Variants in PTGR2 observed in about 807,000 individuals in gnomAD.
PTGR2 encodes the protein 15-oxoprostaglandin 13-reductase.
Under a neutral mutation model 43.4 loss-of-function variants are expected in PTGR2, and 32 were observed. The ratio of observed to expected loss-of-function variants is 0.74; its 90% CI spans 0.56 to 0.99. The LOEUF (loss-of-function observed/expected upper bound fraction) is 0.99. Among genes scored for constraint, PTGR2 ranks in the 50% least tolerant of loss-of-function variants. The pLI, the probability that PTGR2 is intolerant of heterozygous loss-of-function variation, is 0.00. For missense variants in PTGR2, 373 were observed against 420.0 expected (o/e 0.89, Z 0.98); for synonymous variants, 106 against 139.2 (o/e 0.76, Z 1.68).
At chr14:73,864,577 A>G (rs984060200) in intron 3 of PTGR2, among the ~76,000 whole-genome samples, 1 of 152,110 alleles carries the variant, frequency 6.6e-6, no homozygotes, top group Non-Finnish European at 1.5e-5. Flanking sequence ...CTTATTGGTC[A>G]TTTGCATGTC....
chr14:73,860,765 A>G (rs1236801970), intron 3 of PTGR2, 108 bp downstream of exon 3: 1 of 652,534 alleles, frequency 1.5e-6, no homozygotes, highest in Non-Finnish European at 2.7e-6. Context: ...TAAATATTTG[A>G]GCAGTTATAT....
intron 1 of PTGR2, among the ~76,000 whole-genome samples, chr14:73,854,837 G>A (rs2054307766): frequency 6.6e-6 from 1 of 152,182 alleles, no homozygotes; most frequent in African/African-American, 2.4e-5. Context: ...TTGGTGTGAT[G>A]AATGGATGTG....
At chr14:73,858,150 T>TG (rs2054404656) in intron 1 of PTGR2, 1 of 152,234 alleles carries the variant, frequency 6.6e-6, no homozygotes, top group African/African-American at 2.4e-5. Context: ...TATAACTCAC[T>TG]ACCTTTGGAC....
At position 73,875,847 on chromosome 14, in the gene PTGR2, A is replaced by G. The variant is rs1428824643; in HGVS notation, c.349-1151A>G. 1.6e-4 allele frequency among the ~76,000 whole-genome samples: 15 copies of G among 91,630 alleles called. 1 individual carries two copies. The highest frequency in any genetic ancestry group is 7.1e-4 in the South Asian group (2 of 2,812). The allele number at this position is 91,630 out of a possible 152,430, so 60.1% of individuals were successfully genotyped here. A position where few individuals can be genotyped will look rare whatever the true frequency, so the allele number is the denominator to read the frequency against. On this transcript the variant is annotated intron_variant, in intron 4 of 9. Transcript: ENST00000555661. ...TTTTTTTTTTTTTTTTTTGAGATGG[A>G]GTCTTGCTTTGTCGCCCAGGCTGGA...
intron 1 of PTGR2, among the ~76,000 whole-genome samples, chr14:73,852,546 C>T (rs974333114): frequency 6.6e-6 from 1 of 152,234 alleles, no homozygotes; most frequent in African/African-American, 2.4e-5. Context: ...CCATCGCGCC[C>T]GGCCTGGATT....
chr14:73,867,088 C>T (rs1175253226), intron 3 of PTGR2, among the ~76,000 whole-genome samples: 1 of 100,096 alleles, frequency 1.0e-5, no homozygotes, highest in Non-Finnish European at 1.9e-5. Flanking sequence ...GACTCTGTCT[C>T]AAAAAAAAAA....
In PTGR2 at chr14:73,884,208, AT is replaced by A. The variant is rs1222407795; in HGVS notation, c.*34del. On this transcript the variant is annotated 3_prime_UTR_variant, in exon 10 of 10. Transcript: ENST00000555661. ...GTAAATGTCATCAAGGCAATCATAGATTTCTTTTCCATTTTGCATATTTTCA... is the reference window on the plus strand; with the variant it reads ...GTAAATGTCATCAAGGCAATCATAGATTCTTTTCCATTTTGCATATTTTCA... 3 of 1,358,890 alleles carry A rather than the reference AT, an allele frequency of 2.2e-6. No individual in the cohort carries two copies. In the African/African-American group the frequency reaches 4.3e-5, roughly 20 times the overall value. 84.2% of individuals were successfully genotyped at this position (1,358,890 alleles called of 1,614,324 possible).
At chr14:73,877,270 G>C (rs2054887633) in intron 5 of PTGR2, 102 bp downstream of exon 5, 2 of 1,144,886 alleles carry the variant, frequency 1.7e-6, no homozygotes, top group Admixed American at 5.0e-5. Flanking sequence ...ATATAAAATT[G>C]GATAAATTTT....
At position 73,874,997 on chromosome 14, in the gene PTGR2, T is replaced by A. The variant is rs1595366109; in HGVS notation, c.348+783T>A. Among the ~76,000 whole-genome samples, 3 of 152,228 alleles carry A rather than the reference T, an allele frequency of 2.0e-5. No individual in the cohort carries two copies. In the East Asian group the frequency reaches 5.8e-4, roughly 30 times the overall value. ...CCTCAGTCTCCCGAGTAGCTGGGAT[T>A]ATAGGTGTGCACCACCACGCCCAGC... On this transcript the variant is annotated intron_variant, in intron 4 of 9. Transcript: ENST00000555661.
chr14:73,879,086 T>TC lies in PTGR2; in HGVS notation c.520-4dup, dbSNP rs778587448. On this transcript the variant is annotated splice_polypyrimidine_tract_variant and intron_variant, in intron 5 of 9. Transcript: ENST00000555661. ...TATAAAGCCATTTAATCTTCAAATT[T>TC]CCCCCCTAGATTGGCCATTTCTTAG... 4 of 1,610,882 alleles carry TC rather than the reference T, an allele frequency of 2.5e-6. No individual in the cohort carries two copies. Among genetic ancestry groups the TC allele is most frequent in the Middle Eastern group, 1.7e-4 (1 of 6,050 alleles).
intron 3 of PTGR2, among the ~76,000 whole-genome samples, chr14:73,867,117 CAAA>C (rs71115924): frequency 3.7e-5 from 5 of 133,720 alleles, no homozygotes; most frequent in Non-Finnish European, 6.5e-5. Context: ...AACAAAAAAA[CAAA>C]AAAAAGAAGA....
rs1045087435 is a variant in PTGR2 at position 73,884,932 on chromosome 14, C to T, written c.*755C>T. ...CATATGTTTATTTTAGGTTAGCAGG[C>T]ACATACTGTCAAGTTGTAAAGATTG... On this transcript the variant is annotated 3_prime_UTR_variant, in exon 10 of 10. Coordinates refer to ENST00000555661, the MANE Select transcript of PTGR2 (RefSeq NM_001146154.2). 2 of 152,126 alleles carry T rather than the reference C, an allele frequency of 1.3e-5. No homozygotes were observed. Among genetic ancestry groups the T allele is most frequent in the Admixed American group, 1.3e-4 (2 of 15,272 alleles). The allele number at this position is 152,126 out of a possible 1,614,324, so 9.4% of individuals were successfully genotyped here.
chr14:73,881,203 AG>A lies in PTGR2; in HGVS notation c.853del. On this transcript the variant is annotated splice_acceptor_variant, in intron 7 of 9. Transcript: ENST00000555661. ...TCATTATCCTTTTCTTCCTCACTGC[AG>A]GGAAAGATTTCTGGTATTAAATTAT... The A allele has an allele frequency of 6.3e-7, 1 of 1,579,148 alleles. No individual in the cohort carries two copies. Among genetic ancestry groups the A allele is most frequent in the Non-Finnish European group, 8.7e-7 (1 of 1,148,372 alleles).
At chr14:73,857,069 C>T (rs919433277) in intron 1 of PTGR2, among the ~76,000 whole-genome samples, 1 of 151,500 alleles carries the variant, frequency 6.6e-6, no homozygotes, top group Non-Finnish European at 1.5e-5. Context: ...CCCAGGAATT[C>T]GAGACCAGCC....
intron 4 of PTGR2, chr14:73,874,735 G>A (rs12050434): frequency 0.097 from 35,129 of 363,022 alleles, 3,450 homozygotes; most frequent in East Asian, 0.45. Flanking sequence ...TGGGGGAAAT[G>A]GCAACAAAAA....
chr14:73,866,007 CT>C (rs559326874), intron 3 of PTGR2, among the ~76,000 whole-genome samples: 1,434 of 143,360 alleles, frequency 0.01, 19 homozygotes, highest in African/African-American at 0.03. Context: ...ATCTGTTTTT[CT>C]TTTTTTTTTT....
intron 3 of PTGR2, among the ~76,000 whole-genome samples, chr14:73,864,037 T>G (rs1347472415): frequency 6.6e-6 from 1 of 152,140 alleles, no homozygotes; most frequent in Non-Finnish European, 1.5e-5. Flanking sequence ...GGGTTGTAGG[T>G]GGGAGCTACT....
At chr14:73,873,318 AAAAG>A (rs140534483) in intron 3 of PTGR2, among the ~76,000 whole-genome samples, 22,746 of 151,968 alleles carry the variant, frequency 0.15, 2,183 homozygotes, top group East Asian at 0.32. Context: ...AAAAAAAAGA[AAAAG>A]AAAAAAGAAA....
intron 3 of PTGR2, among the ~76,000 whole-genome samples, chr14:73,872,917 C>T (rs552552596): frequency 6.6e-6 from 1 of 151,686 alleles, no homozygotes; most frequent in East Asian, 1.9e-4. Flanking sequence ...GTGGAGGTTG[C>T]ACTGAGCCCA....
Sources: gnomAD v4.1 joint callset for allele counts (sites outside exome capture counted in the v4.1 genomes callset) on GRCh38, gnomAD v4.1.1 for gene constraint, MANE v1.5 for transcripts, NCBI Gene and HGNC (gene_info 2026-07-23, HGNC 2026-07-21) for gene names.